SLC25A13: variants seen among roughly 807,000 people sequenced by gnomAD.
SLC25A13 encodes the protein solute carrier family 25 member 13.
A neutral mutation model predicts 85.5 loss-of-function variants in SLC25A13; 70 were observed. The observed-to-expected ratio is 0.82, with a 90% CI of 0.68 to 1.00. The LOEUF is 1.00. Ranked by LOEUF, SLC25A13 falls within the 50% of genes least tolerant of loss-of-function variation. SLC25A13 has a pLI of 0.00. For missense variants in SLC25A13, 765 were observed against 819.8 expected (o/e 0.93, Z 0.82); for synonymous variants, 259 against 288.7 (o/e 0.90, Z 1.04).
intron 1 of SLC25A13, among the ~76,000 whole-genome samples, chr7:96,316,562 T>C (rs1800134126): frequency 6.6e-6 from 1 of 152,302 alleles, no homozygotes; most frequent in Middle Eastern, 3.4e-3. Flanking sequence ...GAAGACACAT[T>C]GGCAAGGTTC....
chr7:96,231,916 A>T (rs1796554658), intron 4 of SLC25A13, among the ~76,000 whole-genome samples: 2 of 152,174 alleles, frequency 1.3e-5, no homozygotes, highest in African/African-American at 4.8e-5. Context: ...GTCAAAAAAT[A>T]GCTGGTGCTA....
intron 2 of SLC25A13, among the ~76,000 whole-genome samples, chr7:96,296,654 T>C (rs1799361889): frequency 6.6e-6 from 1 of 152,046 alleles, no homozygotes; most frequent in African/African-American, 2.4e-5. Context: ...CTAGTTTTGG[T>C]ACTTTCAGTA....
intron 1 of SLC25A13, among the ~76,000 whole-genome samples, chr7:96,309,854 G>T (rs181197632): frequency 6.6e-6 from 1 of 152,086 alleles, no homozygotes; most frequent in Non-Finnish European, 1.5e-5. Context: ...CCAGCCCCTC[G>T]GAAGATGACT....
chr7:96,302,824 C>G (rs1311091401), intron 1 of SLC25A13, among the ~76,000 whole-genome samples: 1 of 152,208 alleles, frequency 6.6e-6, no homozygotes, highest in Non-Finnish European at 1.5e-5. Context: ...ACACCCATCC[C>G]AGACCCAAAG....
intron 3 of SLC25A13, among the ~76,000 whole-genome samples, chr7:96,236,059 A>G (rs1796730021): frequency 6.6e-6 from 1 of 152,224 alleles, no homozygotes; most frequent in Non-Finnish European, 1.5e-5. Flanking sequence ...AGTTACTTCT[A>G]AACATCCTAT....
intron 2 of SLC25A13, among the ~76,000 whole-genome samples, chr7:96,282,711 G>GA (rs1461819753): frequency 6.6e-6 from 1 of 152,034 alleles, no homozygotes. Flanking sequence ...ACATAAATCA[G>GA]AAAAAAATGT....
intron 1 of SLC25A13, among the ~76,000 whole-genome samples, chr7:96,314,067 G>C (rs753469374): frequency 6.6e-6 from 1 of 151,820 alleles, no homozygotes; most frequent in African/African-American, 2.4e-5. Context: ...TATCTTTGCT[G>C]GGAAGAAAGA....
chr7:96,207,690 G>A (rs1324883696), intron 5 of SLC25A13, among the ~76,000 whole-genome samples: 1 of 152,114 alleles, frequency 6.6e-6, no homozygotes, highest in East Asian at 1.9e-4. Context: ...TGTATTTAAA[G>A]TATTTTTAAA....
chr7:96,293,761 A>C (rs1396463562), intron 2 of SLC25A13, among the ~76,000 whole-genome samples: 1 of 152,240 alleles, frequency 6.6e-6, no homozygotes. Flanking sequence ...AATGACGATC[A>C]TTAAAAAGTC....
At position 96,222,691 on chromosome 7, in the gene SLC25A13, G is replaced by A. The variant is rs192585469; in HGVS notation, c.328+12111C>T. On this transcript the variant is annotated intron_variant, in intron 4 of 17. Transcript: ENST00000265631. ...GATCTCTTGACCTTGTGATCCGCCC[G>A]CCTCAGCCTCCCAAAGTGCTGGGAT... Among the ~76,000 whole-genome samples the A allele has an allele frequency of 2.4e-3, 365 of 152,194 alleles. 1 individual carries two copies. The highest frequency in any genetic ancestry group is 0.018 in the South Asian group (88 of 4,818).
At chr7:96,184,178 T>A in intron 11 of SLC25A13, 99 bp downstream of exon 11, 1 of 1,441,422 alleles carries the variant, frequency 6.9e-7, no homozygotes, top group South Asian at 1.2e-5. Context: ...TGTATTTCCA[T>A]TTTAACGCAG....
At chr7:96,316,355 A>G (rs1464280446) in intron 1 of SLC25A13, among the ~76,000 whole-genome samples, 1 of 152,220 alleles carries the variant, frequency 6.6e-6, no homozygotes, top group African/African-American at 2.4e-5. Flanking sequence ...GAGATGAGAA[A>G]TACACTTAAT....
Position 96,184,347 on chromosome 7 carries a change from G to A in SLC25A13, c.1107C>T (p.Leu369=), listed in dbSNP as rs1372631359. ...QRSTGSFVGE[L]MYKNSFDCFK... The stretch of plus-strand genomic sequence containing the variant: ...AACAGTCAAAGCTGTTTTTATACAT[G>A]AGTTCTCCCACAAAAGAGCCAGTTG... Residue 369 remains leucine, a synonymous_variant, in exon 11 of 18, where the codon CTC becomes CTT. Coordinates refer to ENST00000265631, the MANE Select transcript of SLC25A13 (RefSeq NM_014251.3). 8 of 1,614,120 alleles carry A rather than the reference G, an allele frequency of 5.0e-6. No homozygotes were observed. The highest frequency in any genetic ancestry group is 5.9e-6 in the Non-Finnish European group (7 of 1,180,012).
At chr7:96,284,489 G>T (rs1451498858) in intron 2 of SLC25A13, among the ~76,000 whole-genome samples, 1 of 152,142 alleles carries the variant, frequency 6.6e-6, no homozygotes, top group African/African-American at 2.4e-5. Flanking sequence ...TCTGTAATAT[G>T]TCTTCTGTTT....
chr7:96,307,326 G>A (rs936239731), intron 1 of SLC25A13, among the ~76,000 whole-genome samples: 6 of 152,072 alleles, frequency 3.9e-5, no homozygotes, highest in Admixed American at 2.0e-4. Context: ...ATGATATTGT[G>A]ATTGTGCTTT....
At position 96,120,883 on chromosome 7, in the gene SLC25A13, G is replaced by A. The variant is rs1459517406; in HGVS notation, c.*308C>T. 1 of 506,200 alleles carries A rather than the reference G, an allele frequency of 2.0e-6. No homozygotes were observed. Among genetic ancestry groups the A allele is most frequent in the Admixed American group, 2.3e-5 (1 of 44,026 alleles). 31.4% of individuals were successfully genotyped at this position (506,200 alleles called of 1,614,324 possible). On this transcript the variant is annotated 3_prime_UTR_variant, in exon 18 of 18. Transcript: ENST00000265631. ...GGACTACAATCCTAGTTCAAGGAGGGGAGTACTAATTTCTATTCTGACTTG... is the reference window on the plus strand; with the variant it reads ...GGACTACAATCCTAGTTCAAGGAGGAGAGTACTAATTTCTATTCTGACTTG...
chr7:96,258,682 A>G (rs542649536), intron 3 of SLC25A13, among the ~76,000 whole-genome samples: 13 of 152,278 alleles, frequency 8.5e-5, no homozygotes, highest in African/African-American at 3.1e-4. Context: ...TCAAACTACC[A>G]TTGACTTCCT....
chr7:96,276,772 G>A (rs548794959), intron 3 of SLC25A13, among the ~76,000 whole-genome samples: 1 of 152,214 alleles, frequency 6.6e-6, no homozygotes, highest in East Asian at 1.9e-4. Flanking sequence ...CCTTTCTTGG[G>A]GCTTTGGAAT....
In SLC25A13 at chr7:96,146,560, T is replaced by C; in HGVS notation, c.1448A>G (p.Tyr483Cys). ...VVRDLGFFGI[Y>C]KGAKACFLRD... ...CTAAAAAAAAAAAAAAGTTACCTTG[T>C]AGATCCCAAAAAACCCCAGGTCCCG... is the stretch of plus-strand genomic sequence containing the variant. The change falls in exon 14 of 18, where the codon TAC becomes TGC. Residue 483 changes from tyrosine to cysteine, a missense_variant. Transcript: ENST00000265631. 2 of 1,611,852 alleles carry C rather than the reference T, an allele frequency of 1.2e-6. No individual in the cohort carries two copies. The highest frequency in any genetic ancestry group is 8.5e-7 in the Non-Finnish European group (1 of 1,179,444).
Sources: gnomAD v4.1 joint callset for allele counts (sites outside exome capture counted in the v4.1 genomes callset) on GRCh38, gnomAD v4.1.1 for gene constraint, MANE v1.5 for transcripts, NCBI Gene and HGNC (gene_info 2026-07-23, HGNC 2026-07-21) for gene names.